VAC14: variants seen among roughly 807,000 people sequenced by gnomAD.
VAC14 encodes protein VAC14 homolog.
A neutral mutation model predicts 85.3 loss-of-function variants in VAC14; 47 were observed. The observed-to-expected ratio is 0.55, with a 90% confidence interval of 0.44 to 0.70. The LOEUF (loss-of-function observed/expected upper bound fraction) is 0.70. VAC14 is among the 30% of genes least tolerant of loss of function. VAC14 has a pLI of 0.00. For missense variants in VAC14, 861 were observed against 1,004.3 expected (o/e 0.86, Z 1.93); for synonymous variants, 447 against 430.5 (o/e 1.04, Z -0.47).
chr16:70,755,235 G>T, intron 12 of VAC14: 1 of 345,168 alleles, frequency 2.9e-6, no homozygotes, highest in Non-Finnish European at 5.8e-6. Flanking sequence ...CTGGAGGGGG[G>T]CTAGGGGCCA....
intron 10 of VAC14, among the ~76,000 whole-genome samples, chr16:70,765,910 T>A (rs2032771083): frequency 6.6e-6 from 1 of 151,862 alleles, no homozygotes; most frequent in South Asian, 2.1e-4. Context: ...GGCAGGCGGA[T>A]GATTTGAGGC....
chr16:70,752,489 G>A (rs767504504), intron 12 of VAC14, among the ~76,000 whole-genome samples: 1 of 152,224 alleles, frequency 6.6e-6, no homozygotes, highest in Non-Finnish European at 1.5e-5. Context: ...ACACTCTCAG[G>A]GTTATAAATT....
intron 14 of VAC14, among the ~76,000 whole-genome samples, chr16:70,729,378 C>A (rs577714340): frequency 6.6e-6 from 1 of 152,186 alleles, no homozygotes; most frequent in Non-Finnish European, 1.5e-5. Context: ...CCACTGTGGT[C>A]CTGCTCTTTG....
chr16:70,780,201 T>C (rs1242979428), intron 9 of VAC14, among the ~76,000 whole-genome samples: 3 of 152,104 alleles, frequency 2.0e-5, no homozygotes, highest in African/African-American at 4.8e-5. Flanking sequence ...AAGAAAATTA[T>C]GTTAGAGGAG....
intron 13 of VAC14, among the ~76,000 whole-genome samples, chr16:70,733,110 A>T (rs1384481255): frequency 6.6e-6 from 1 of 152,234 alleles, no homozygotes. Flanking sequence ...AACTCCCAAA[A>T]GGAACCCCAT....
At chr16:70,764,572 C>T (rs1439265373) in intron 10 of VAC14, among the ~76,000 whole-genome samples, 1 of 152,188 alleles carries the variant, frequency 6.6e-6, no homozygotes, top group African/African-American at 2.4e-5. Flanking sequence ...TTTACATCTT[C>T]CAGTTTTCAA....
At chr16:70,715,115 C>A (rs1239917119) in intron 14 of VAC14, 1 of 152,232 alleles carries the variant, frequency 6.6e-6, no homozygotes, top group East Asian at 1.9e-4. Context: ...GGTAAGGCCA[C>A]CAGGGGCCTC....
In VAC14 at chr16:70,801,056, A is replaced by C; in HGVS notation, c.-156T>G. 4.1e-6 allele frequency: 2 copies of C among 491,916 alleles called. No homozygotes were observed. Among genetic ancestry groups the C allele is most frequent in the South Asian group, 3.7e-5 (1 of 27,288 alleles). 30.5% of individuals were successfully genotyped at this position (491,916 alleles called of 1,614,324 possible). On this transcript the variant is annotated 5_prime_UTR_variant, in exon 1 of 19. Coordinates refer to ENST00000261776, the MANE Select transcript of VAC14 (RefSeq NM_018052.5). ...CCACGCTCCGCCGCCTCGCCCTGGAACCCGGGCCCGGACCCCGCTCCAGCA... is the reference window on the plus strand; with the variant it reads ...CCACGCTCCGCCGCCTCGCCCTGGACCCCGGGCCCGGACCCCGCTCCAGCA...
chr16:70,785,270 C>T (rs953506427), intron 3 of VAC14, among the ~76,000 whole-genome samples: 1 of 152,210 alleles, frequency 6.6e-6, no homozygotes, highest in African/African-American at 2.4e-5. Flanking sequence ...AGGGCTGCTC[C>T]GCGCCTGGGA....
rs1248387660 is a variant in VAC14 at position 70,800,970 on chromosome 16, T to C, written c.-70A>G. On this transcript the variant is annotated 5_prime_UTR_variant, in exon 1 of 19. Coordinates refer to ENST00000261776, the MANE Select transcript of VAC14 (RefSeq NM_018052.5). ...CGGGGCCGCGCCGGGGCCAGGGGAG[T>C]CTGCGGCTCCGCTCTGCCCCCGGCG... 13 of 1,178,158 alleles carry C rather than the reference T, an allele frequency of 1.1e-5. No individual in the cohort carries two copies. Among genetic ancestry groups the C allele is most frequent in the African/African-American group, 3.3e-5 (2 of 61,524 alleles). 73.0% of individuals were successfully genotyped at this position (1,178,158 alleles called of 1,614,324 possible).
chr16:70,693,496 C>T (rs985198102), intron 17 of VAC14, among the ~76,000 whole-genome samples: 8 of 152,224 alleles, frequency 5.3e-5, no homozygotes, highest in Non-Finnish European at 1.0e-4. Context: ...TTGTGTGTAG[C>T]GAGACACACA....
At chr16:70,704,546 G>C (rs2053886917) in intron 14 of VAC14, among the ~76,000 whole-genome samples, 2 of 152,352 alleles carry the variant, frequency 1.3e-5, no homozygotes, top group South Asian at 4.1e-4. Flanking sequence ...AAACACTGCT[G>C]TCTGAGGGTG....
rs548087934 is a variant in VAC14, at chr16:70,733,101, A to G, written c.1529-1474T>C. Among the ~76,000 whole-genome samples the G allele has an allele frequency of 6.6e-5, 10 of 152,174 alleles. No homozygotes were observed. In the East Asian group the frequency reaches 9.7e-4, roughly 15 times the overall value. On this transcript the variant is annotated intron_variant, in intron 13 of 18. Coordinates refer to ENST00000261776, the MANE Select transcript of VAC14 (RefSeq NM_018052.5). ...CACTAATTTCAGAACATTTTTATCAACTCCCAAAAGGAACCCCATACTGAT... is the reference window on the plus strand; with the variant it reads ...CACTAATTTCAGAACATTTTTATCAGCTCCCAAAAGGAACCCCATACTGAT...
chr16:70,737,951 C>A (rs779383383), intron 13 of VAC14, among the ~76,000 whole-genome samples: 1 of 152,196 alleles, frequency 6.6e-6, no homozygotes, highest in African/African-American at 2.4e-5. Context: ...TGTGCCCGGA[C>A]AGCCCGTTGT....
Position 70,698,715 on chromosome 16 carries a change from G to C in VAC14, c.1758C>G (p.Val586=). The C allele has an allele frequency of 6.2e-7, 1 of 1,614,204 alleles. No individual in the cohort carries two copies. The highest frequency in any genetic ancestry group is 8.5e-7 in the Non-Finnish European group (1 of 1,180,028). The change falls in exon 15 of 19, where the codon GTC becomes GTG. Residue 586 remains valine (V), a synonymous_variant. Coordinates refer to ENST00000261776, the MANE Select transcript of VAC14 (RefSeq NM_018052.5). The part of the protein sequence containing the change: ...EEDLKFASTM[V]HALNTILLTS... ...TCAGCAGGATGGTGTTGAGGGCGTG[G>C]ACCATGGTCGAGGCGAACTTGAGGT...
chr16:70,775,095 C>T (rs574066226), intron 9 of VAC14, among the ~76,000 whole-genome samples: 13 of 152,228 alleles, frequency 8.5e-5, no homozygotes, highest in Non-Finnish European at 1.6e-4. Context: ...CCCTTCTCCA[C>T]CATTAATCAA....
intron 13 of VAC14, among the ~76,000 whole-genome samples, chr16:70,732,743 A>G (rs2054628554): frequency 6.6e-6 from 1 of 151,826 alleles, no homozygotes; most frequent in Non-Finnish European, 1.5e-5. Context: ...CCTGGATTCA[A>G]GCTATCCTCT....
At chr16:70,724,509 CTT>C (rs1035712464) in intron 14 of VAC14, among the ~76,000 whole-genome samples, 1 of 152,232 alleles carries the variant, frequency 6.6e-6, no homozygotes, top group Non-Finnish European at 1.5e-5. Flanking sequence ...AGGCAGCACT[CTT>C]TTTCTCCCAA....
intron 18 of VAC14, chr16:70,688,429 G>T: frequency 2.0e-6 from 2 of 1,008,806 alleles, no homozygotes; most frequent in Non-Finnish European, 2.4e-6. Context: ...CTAGCAGCCA[G>T]CCAGGAAGCC....
Sources: allele counts gnomAD v4.1 joint callset (sites outside exome capture counted in the v4.1 genomes callset), GRCh38; gene constraint gnomAD v4.1.1; transcripts MANE v1.5; gene names NCBI Gene and HGNC (gene_info 2026-07-23, HGNC 2026-07-21).